NGF: variants seen among roughly 807,000 people sequenced by gnomAD.
NGF encodes nerve growth factor.
Under a neutral mutation model 12.8 loss-of-function variants are expected in NGF, and 4 were observed. The observed-to-expected ratio is 0.31, with a 90% confidence interval of 0.15 to 0.72. The LOEUF (loss-of-function observed/expected upper bound fraction) is 0.72, where lower values mean the gene tolerates loss of function less well. Among genes scored for constraint, NGF ranks in the 30% least tolerant of loss-of-function variants. The pLI is 0.69. For missense variants in NGF, 283 were observed against 330.8 expected, an observed-to-expected ratio of 0.86 and a Z score of 1.12; for synonymous variants, 140 against 130.0, an observed-to-expected ratio of 1.08 and a Z score of -0.52.
chr1:115,301,370 C>T (rs1359905300), intron 1 of NGF, among the ~76,000 whole-genome samples: 1 of 152,194 alleles, frequency 6.6e-6, no homozygotes, highest in Non-Finnish European at 1.5e-5. Context: ...AACGTTATAC[C>T]CTCCATATTG....
At chr1:115,333,552 A>C (rs1654984571) in intron 1 of NGF, among the ~76,000 whole-genome samples, 1 of 150,588 alleles carries the variant, frequency 6.6e-6, no homozygotes, top group Non-Finnish European at 1.5e-5. Context: ...CGTTGGCTAC[A>C]GTCTTAGGCA....
intron 1 of NGF, among the ~76,000 whole-genome samples, chr1:115,318,611 C>A (rs904030165): frequency 2.0e-5 from 3 of 152,196 alleles, no homozygotes; most frequent in Non-Finnish European, 2.9e-5. Flanking sequence ...CAGCCTCCAC[C>A]CCTATATACT....
At chr1:115,317,459 T>G (rs539538475) in intron 1 of NGF, among the ~76,000 whole-genome samples, 1 of 152,332 alleles carries the variant, frequency 6.6e-6, no homozygotes, top group African/African-American at 2.4e-5. Flanking sequence ...GCCAGGCTGG[T>G]ATTGTTCTTT....
chr1:115,302,083 T>C (rs1343568701), intron 1 of NGF, among the ~76,000 whole-genome samples: 3 of 152,214 alleles, frequency 2.0e-5, no homozygotes, highest in African/African-American at 7.2e-5. Flanking sequence ...GAATGTTTAT[T>C]GAAAGGAATT....
At chr1:115,300,306 A>G (rs892470799) in intron 1 of NGF, among the ~76,000 whole-genome samples, 4 of 152,206 alleles carry the variant, frequency 2.6e-5, no homozygotes, top group African/African-American at 4.8e-5. Flanking sequence ...GTGCTTTAAA[A>G]AAGGCAGGCA....
Position 115,286,773 on chromosome 1 carries a change from A to C in NGF, c.23T>G (p.Leu8Arg). The stretch of plus-strand genomic sequence containing the variant: ...TATGCCGATCAGAAAAGCTGTGATC[A>C]GAGTGTAGAACAACATGGACATTAC... MSMLFYTLITAFLIGIQA... is the reference protein window; with the variant it reads MSMLFYTRITAFLIGIQA... The change falls in exon 3 of 3, where the codon CTG becomes CGG. Residue 8 changes from leucine to arginine, a missense_variant. Around this residue, in one of 2 missense-constraint regions of NGF, gnomAD observed 151 missense variants for 141.6 expected, o/e 1.07. Coordinates refer to ENST00000369512, the MANE Select transcript of NGF (RefSeq NM_002506.3). The C allele has an allele frequency of 1.2e-6, 2 of 1,614,216 alleles. No individual in the cohort carries two copies. Among genetic ancestry groups the C allele is most frequent in the Non-Finnish European group, 1.7e-6 (2 of 1,180,040 alleles).
At chr1:115,312,559 G>C (rs536679970) in intron 1 of NGF, among the ~76,000 whole-genome samples, 1 of 152,208 alleles carries the variant, frequency 6.6e-6, no homozygotes, top group Non-Finnish European at 1.5e-5. Context: ...ACATGAAAAT[G>C]CTGATATTTA....
chr1:115,302,693 T>C (rs1482592087), intron 1 of NGF, among the ~76,000 whole-genome samples: 1 of 152,220 alleles, frequency 6.6e-6, no homozygotes, highest in Non-Finnish European at 1.5e-5. Context: ...TTCTGCCTTG[T>C]CTGGTCTAGA....
intron 1 of NGF, among the ~76,000 whole-genome samples, chr1:115,302,760 T>C (rs1654078014): frequency 6.6e-6 from 1 of 152,204 alleles, no homozygotes; most frequent in Non-Finnish European, 1.5e-5. Context: ...CACAGCTCCC[T>C]CTGTGCCGCA....
intron 1 of NGF, among the ~76,000 whole-genome samples, chr1:115,304,437 T>C (rs555506281): frequency 1.3e-5 from 2 of 150,350 alleles, no homozygotes; most frequent in East Asian, 2.0e-4. Flanking sequence ...GCCTCCCAAA[T>C]TGATGGGATT....
intron 1 of NGF, among the ~76,000 whole-genome samples, chr1:115,315,835 G>A (rs1027428522): frequency 1.3e-5 from 2 of 152,054 alleles, no homozygotes; most frequent in Non-Finnish European, 2.9e-5. Flanking sequence ...TTGTACTGTC[G>A]AGGAAGTTAA....
At chr1:115,299,378 G>A (rs1283029347) in intron 1 of NGF, among the ~76,000 whole-genome samples, 2 of 152,174 alleles carry the variant, frequency 1.3e-5, no homozygotes, top group East Asian at 1.9e-4. Context: ...AGAAGTTGTT[G>A]TGGTTGGCTG....
At chr1:115,333,672 T>TCTTC (rs1491389591) in intron 1 of NGF, among the ~76,000 whole-genome samples, 9 of 57,408 alleles carry the variant, frequency 1.6e-4, no homozygotes, top group African/African-American at 4.3e-4. Flanking sequence ...TTTCTTTCTT[T>TCTTC]CTTTCTTTCT....
At chr1:115,330,024 G>A (rs1453222890) in intron 1 of NGF, among the ~76,000 whole-genome samples, 1 of 151,954 alleles carries the variant, frequency 6.6e-6, no homozygotes. Context: ...CTAAGTGCTG[G>A]GATTACAGGC....
intron 2 of NGF, among the ~76,000 whole-genome samples, chr1:115,291,471 C>T (rs914888108): frequency 6.6e-6 from 1 of 152,180 alleles, no homozygotes; most frequent in African/African-American, 2.4e-5. Context: ...GCTGAATGAT[C>T]AGCTGAGGAG....
intron 1 of NGF, among the ~76,000 whole-genome samples, chr1:115,325,723 G>A (rs1392538768): frequency 1.3e-4 from 20 of 152,128 alleles, no homozygotes; most frequent in Admixed American, 9.8e-4. Flanking sequence ...CTAGATGAGA[G>A]GTGACCCTGG....
At chr1:115,312,234 A>G (rs533629802) in intron 1 of NGF, among the ~76,000 whole-genome samples, 1 of 152,320 alleles carries the variant, frequency 6.6e-6, no homozygotes, top group African/African-American at 2.4e-5. Context: ...GTAATTTTGT[A>G]GGCACAAGAT....
chr1:115,289,583 G>C (rs752164410), intron 2 of NGF, among the ~76,000 whole-genome samples: 1 of 152,048 alleles, frequency 6.6e-6, no homozygotes, highest in Admixed American at 6.5e-5. Flanking sequence ...ATAGATACTG[G>C]CATTTTAAAT....
At chr1:115,295,821 G>T (rs1653850308) in intron 1 of NGF, among the ~76,000 whole-genome samples, 1 of 151,992 alleles carries the variant, frequency 6.6e-6, no homozygotes, top group South Asian at 2.1e-4. Context: ...TCCCAAAATT[G>T]GGATTCATTT....
Sources: allele counts gnomAD v4.1 joint callset (sites outside exome capture counted in the v4.1 genomes callset), GRCh38; gene constraint gnomAD v4.1.1; regional missense constraint gnomAD v4.1.1; transcripts MANE v1.5; gene names NCBI Gene and HGNC (gene_info 2026-07-23, HGNC 2026-07-21).